The following RANBP2 variants were observed in gnomAD, a reference collection of about 807,000 sequenced individuals.
RANBP2 encodes the protein E3 SUMO-protein ligase RanBP2.
RANBP2 carries 57 observed loss-of-function variants against 303.6 expected under a neutral mutation model. That is an observed-to-expected ratio of 0.19 (90% CI 0.15 to 0.23). RANBP2 has a LOEUF of 0.23. RANBP2 is among the 10% of genes least tolerant of loss of function. The pLI, the probability that RANBP2 is intolerant of heterozygous loss-of-function variation, is 1.00. For synonymous variants in RANBP2, 1,167 were observed against 1,301.5 expected, an observed-to-expected ratio of 0.90 and a Z score of 2.23; for missense variants, 3,138 against 3,780.8, an observed-to-expected ratio of 0.83 and a Z score of 4.46.
At chr2:109,289,079 G>C in the RANBP2 span, among the ~76,000 whole-genome samples, 1 of 152,174 alleles carries the variant, frequency 6.6e-6, no homozygotes, top group African/African-American at 2.4e-5. Context: ...AATTATAACT[G>C]AGGAGCTGGC....
the RANBP2 span, among the ~76,000 whole-genome samples, chr2:108,816,786 TC>T: frequency 2.0e-5 from 3 of 151,990 alleles, no homozygotes; most frequent in Non-Finnish European, 2.9e-5. Flanking sequence ...GCCTCCAAAC[TC>T]CTAGCCTCAA....
At chr2:109,657,713 A>T in the RANBP2 span, among the ~76,000 whole-genome samples, 71 of 89,748 alleles carry the variant, frequency 7.9e-4, 4 homozygotes, top group Admixed American at 2.9e-3. Flanking sequence ...GAATTAGCTG[A>T]GTTTTTTTTT....
the RANBP2 span, among the ~76,000 whole-genome samples, chr2:108,851,281 G>T: frequency 2.0e-5 from 3 of 151,978 alleles, no homozygotes; most frequent in African/African-American, 7.2e-5. Context: ...CCATTTCTCT[G>T]GGGTGTTTTG....
the RANBP2 span, among the ~76,000 whole-genome samples, chr2:109,064,024 T>C: frequency 6.6e-5 from 10 of 152,218 alleles, no homozygotes; most frequent in Admixed American, 6.5e-4. Context: ...CTAGGCGTGC[T>C]GCACTGAGCT....
chr2:109,571,356 C>G, the RANBP2 span, among the ~76,000 whole-genome samples: 1 of 152,154 alleles, frequency 6.6e-6, no homozygotes, highest in African/African-American at 2.4e-5. Flanking sequence ...GTGAACATCA[C>G]AGAGTATACT....
chr2:109,153,761 TA>T, the RANBP2 span, among the ~76,000 whole-genome samples: 1 of 152,210 alleles, frequency 6.6e-6, no homozygotes, highest in South Asian at 2.1e-4. Flanking sequence ...GCATTTTGGC[TA>T]AAGCCACATT....
chr2:109,461,415 G>A, the RANBP2 span, among the ~76,000 whole-genome samples: 4 of 151,174 alleles, frequency 2.6e-5, no homozygotes, highest in African/African-American at 9.7e-5. Context: ...AAGGCCCCAC[G>A]TAGCATCCCT....
At chr2:109,193,198 C>G in the RANBP2 span, among the ~76,000 whole-genome samples, 4 of 152,240 alleles carry the variant, frequency 2.6e-5, no homozygotes, top group Non-Finnish European at 4.4e-5. Flanking sequence ...GGCAAATTGT[C>G]TGCCCTTCCT....
the RANBP2 span, among the ~76,000 whole-genome samples, chr2:108,797,434 T>C: frequency 6.6e-6 from 1 of 152,266 alleles, no homozygotes; most frequent in African/African-American, 2.4e-5. Context: ...GGTAAGTCAT[T>C]TCAATAGAGG....
chr2:109,064,467 A>AAC, the RANBP2 span, among the ~76,000 whole-genome samples: 1 of 148,746 alleles, frequency 6.7e-6, no homozygotes, highest in Non-Finnish European at 1.5e-5. Context: ...AAAAAAAAAA[A>AAC]AAAACAAAAA....
At chr2:109,737,272 T>A in the RANBP2 span, 7 of 718,222 alleles carry the variant, frequency 9.7e-6, no homozygotes, top group Non-Finnish European at 1.5e-5. Flanking sequence ...GGTGAGATAT[T>A]TCAAATACCT....
At chr2:108,790,191 T>A (rs1679676914), downstream of RANBP2, among the ~76,000 whole-genome samples, 1 of 152,196 alleles carries the variant, frequency 6.6e-6, no homozygotes. Context: ...CAAAATCTAG[T>A]TGATCTAGAT....
chr2:108,762,798 CCATCATCAT>C (rs112880794), intron 19 of RANBP2, among the ~76,000 whole-genome samples: 17 of 151,294 alleles, frequency 1.1e-4, no homozygotes, highest in South Asian at 2.1e-4. Flanking sequence ...ATAAATGTTA[CCATCATCAT>C]CATCATCATC....
chr2:109,416,422 C>T, the RANBP2 span, among the ~76,000 whole-genome samples: 4 of 152,086 alleles, frequency 2.6e-5, no homozygotes, highest in Non-Finnish European at 5.9e-5. Context: ...TGGCGAAACC[C>T]CCCCGTTTCT....
At chr2:108,868,424 A>G in the RANBP2 span, among the ~76,000 whole-genome samples, 1 of 152,226 alleles carries the variant, frequency 6.6e-6, no homozygotes, top group Non-Finnish European at 1.5e-5. Flanking sequence ...TGACTCAACA[A>G]AAGCACTGAA....
chr2:109,767,177 C>T, the RANBP2 span, among the ~76,000 whole-genome samples: 1 of 140,902 alleles, frequency 7.1e-6, no homozygotes, highest in South Asian at 2.5e-4. Flanking sequence ...ATACCCTTTG[C>T]TTTCTTAAAA....
chr2:109,758,367 C>T, the RANBP2 span, among the ~76,000 whole-genome samples: 33 of 90,940 alleles, frequency 3.6e-4, no homozygotes, highest in South Asian at 4.0e-3. Context: ...GAAATCATGC[C>T]ACTGCACTCC....
the RANBP2 span, among the ~76,000 whole-genome samples, chr2:109,540,784 G>C: frequency 1.6e-5 from 2 of 124,036 alleles, no homozygotes; most frequent in Non-Finnish European, 3.2e-5. Context: ...TTGAGCAACA[G>C]AGCAAGACCC....
At chr2:109,178,491 A>G in the RANBP2 span, among the ~76,000 whole-genome samples, 1 of 152,208 alleles carries the variant, frequency 6.6e-6, no homozygotes, top group Non-Finnish European at 1.5e-5. Context: ...GATAGTTTAT[A>G]TTCTCTAACT....
Sources: allele counts gnomAD v4.1 joint callset (sites outside exome capture counted in the v4.1 genomes callset), GRCh38; gene constraint gnomAD v4.1.1; transcripts MANE v1.5; gene names NCBI Gene and HGNC (gene_info 2026-07-23, HGNC 2026-07-21).